Variants in TG observed in about 807,000 individuals in gnomAD.
The protein encoded by TG is thyroglobulin, also known as thyroid hormones.
Under a neutral mutation model 324.7 loss-of-function variants are expected in TG, and 270 were observed. The observed-to-expected ratio is 0.83, with a 90% CI of 0.75 to 0.92. TG has a LOEUF of 0.92. Ranked by LOEUF, TG falls within the 40% of genes least tolerant of loss-of-function variation. The pLI is 0.00. For missense variants in TG, 3,591 were observed against 3,456.4 expected (o/e 1.04, Z -0.98); for synonymous variants, 1,401 against 1,327.0 (o/e 1.06, Z -1.21).
At chr8:133,133,382 G>A (rs1852092877) in intron 46 of TG, 88 bp from the exon 47 acceptor site, 5 of 1,312,994 alleles carry the variant, frequency 3.8e-6, no homozygotes, top group Non-Finnish European at 5.5e-6. Context: ...TTGTCCCTCA[G>A]ATACCGAGTG....
chr8:133,093,491 G>GT (rs1201711485), intron 41 of TG, among the ~76,000 whole-genome samples: 4 of 152,154 alleles, frequency 2.6e-5, no homozygotes, highest in Non-Finnish European at 2.9e-5. Context: ...AAAATCACGT[G>GT]TATCTCCCAG....
At chr8:133,103,966 G>A (rs62513963) in intron 43 of TG, among the ~76,000 whole-genome samples, 45,017 of 152,164 alleles carry the variant, frequency 0.3, 7,748 homozygotes, top group African/African-American at 0.46. Context: ...ACTGAAGTGG[G>A]GCCATTGCAG....
chr8:133,027,636 A>C (rs893090581), intron 40 of TG, among the ~76,000 whole-genome samples: 1 of 152,196 alleles, frequency 6.6e-6, no homozygotes, highest in Non-Finnish European at 1.5e-5. Flanking sequence ...GGAATGAGGG[A>C]GGTATAAAGG....
Position 133,025,090 on chromosome 8 carries a change from G to A in TG, c.7036+2940G>A, listed in dbSNP as rs7000428. Among the ~76,000 whole-genome samples, 14 of 152,118 alleles carry A rather than the reference G, an allele frequency of 9.2e-5. No individual in the cohort carries two copies. The East Asian group carries it at 1.4e-3, about 15-fold the overall frequency. ...TCCCAGTCTCTCACATTGCGCCTCC[G>A]TGCTCTTCAGCTCTGAGAAGGGAGC... is the stretch of plus-strand genomic sequence containing the variant. On this transcript the variant is annotated intron_variant, in intron 40 of 47. Coordinates refer to ENST00000220616, the MANE Select transcript of TG (RefSeq NM_003235.5).
At chr8:132,972,484 T>C in intron 33 of TG, 114 bp from the exon 34 acceptor site, 1 of 1,219,996 alleles carries the variant, frequency 8.2e-7, no homozygotes, top group Non-Finnish European at 1.2e-6. Flanking sequence ...TATAGTGGTG[T>C]ATCCCAAATG....
chr8:132,941,612 A>T, intron 26 of TG, 70 bp downstream of exon 26: 2 of 1,582,520 alleles, frequency 1.3e-6, no homozygotes, highest in Non-Finnish European at 1.7e-6. Flanking sequence ...AAGCCAGGAC[A>T]CACAACATGG....
At chr8:132,975,981 A>T (rs1830126171) in intron 34 of TG, among the ~76,000 whole-genome samples, 1 of 152,220 alleles carries the variant, frequency 6.6e-6, no homozygotes. Context: ...TCAGTTATAT[A>T]CTGTACTGGG....
Position 133,089,450 on chromosome 8 carries a change from T to C in TG, c.7240-5594T>C, listed in dbSNP as rs930842098. 5.3e-5 allele frequency among the ~76,000 whole-genome samples: 8 copies of C among 152,318 alleles called. No individual in the cohort carries two copies. In the East Asian group the frequency reaches 1.5e-3, roughly 29 times the overall value. On this transcript the variant is annotated intron_variant, in intron 41 of 47. Transcript: ENST00000220616. ...AGTGACAGGAAATTCCCAAGCCCTT[T>C]CTGTAATACCCCATTTAAAAGCCTT...
chr8:133,087,755 A>G (rs1322848964), intron 41 of TG: 1 of 152,212 alleles, frequency 6.6e-6, no homozygotes, highest in African/African-American at 2.4e-5. Flanking sequence ...TGATCAAGTC[A>G]GACTATTCAA....
chr8:133,119,019 TG>T lies in TG; in HGVS notation c.7862+2304del, dbSNP rs1850932678. 2.0e-5 allele frequency among the ~76,000 whole-genome samples: 3 copies of T among 152,256 alleles called. No homozygotes were observed. In the South Asian group the frequency reaches 6.2e-4, roughly 32 times the overall value. On this transcript the variant is annotated intron_variant, in intron 45 of 47. Transcript: ENST00000220616. Reference sequence around the variant, plus strand: ...GAGTGATGTGGCCACAAGGAAGGAATGCCAGTAGCAGCCAGAAACTGGGAGA... The same window carrying T: ...GAGTGATGTGGCCACAAGGAAGGAATCCAGTAGCAGCCAGAAACTGGGAGA...
At chr8:133,107,097 T>C (rs916376063) in intron 43 of TG, among the ~76,000 whole-genome samples, 5 of 152,214 alleles carry the variant, frequency 3.3e-5, no homozygotes, top group Non-Finnish European at 7.3e-5. Context: ...CTCTTTATAA[T>C]CATTAATGCA....
intron 8 of TG, among the ~76,000 whole-genome samples, chr8:132,885,942 G>A (rs1815350922): frequency 6.6e-6 from 1 of 152,136 alleles, no homozygotes; most frequent in South Asian, 2.1e-4. Context: ...TTCCCTGTGT[G>A]CATCTTTGTT....
At chr8:132,988,974 T>C (rs372741801) in intron 35 of TG, 2 of 863,562 alleles carry the variant, frequency 2.3e-6, no homozygotes, top group Non-Finnish European at 2.8e-6. Flanking sequence ...AGAGGTTTAA[T>C]TGGACTCACA....
intron 43 of TG, among the ~76,000 whole-genome samples, chr8:133,112,027 G>T (rs1850286341): frequency 6.9e-6 from 1 of 143,908 alleles, no homozygotes; most frequent in Non-Finnish European, 1.6e-5. Flanking sequence ...CCCAGGAGGG[G>T]CTGTTCCCAC....
At chr8:133,106,550 C>A in intron 43 of TG, 1 of 742,300 alleles carries the variant, frequency 1.3e-6, no homozygotes, top group Non-Finnish European at 1.6e-6. Flanking sequence ...GCCCTCATCA[C>A]TCCACTGACC....
At chr8:133,031,025 T>C (rs181505772) in intron 41 of TG, among the ~76,000 whole-genome samples, 7 of 152,260 alleles carry the variant, frequency 4.6e-5, no homozygotes, top group African/African-American at 1.7e-4. Flanking sequence ...ATTTTAAGTG[T>C]TCCGTTCATT....
chr8:133,025,953 G>A (rs1308985454), intron 40 of TG, among the ~76,000 whole-genome samples: 4 of 152,158 alleles, frequency 2.6e-5, no homozygotes, highest in South Asian at 4.2e-4. Context: ...TCTGCAAGCA[G>A]AAGATGCTAA....
chr8:133,089,523 C>G (rs1040097746), intron 41 of TG, among the ~76,000 whole-genome samples: 1 of 152,136 alleles, frequency 6.6e-6, no homozygotes, highest in African/African-American at 2.4e-5. Flanking sequence ...GCTCTGTGTC[C>G]CAGGGTTGGT....
chr8:133,110,964 G>A (rs1850203512), intron 43 of TG, among the ~76,000 whole-genome samples: 1 of 152,152 alleles, frequency 6.6e-6, no homozygotes, highest in South Asian at 2.1e-4. Context: ...ACAAAAACAG[G>A]GCCCATATGA....
Sources: allele counts gnomAD v4.1 joint callset (sites outside exome capture counted in the v4.1 genomes callset), GRCh38; gene constraint gnomAD v4.1.1; transcripts MANE v1.5; gene names NCBI Gene and HGNC (gene_info 2026-07-23, HGNC 2026-07-21).